Variants in KLF8 observed in about 807,000 individuals in gnomAD.
KLF8 encodes the protein KLF transcription factor 8.
A neutral mutation model predicts 18.2 loss-of-function variants in KLF8; 10 were observed. The observed-to-expected ratio is 0.55, with a 90% confidence interval of 0.34 to 0.93. The LOEUF (loss-of-function observed/expected upper bound fraction) is 0.93, where lower values mean the gene tolerates loss of function less well. Ranked by LOEUF, KLF8 falls within the 40% of genes least tolerant of loss-of-function variation. The pLI is 0.02. For synonymous variants in KLF8, 109 were observed against 97.3 expected (o/e 1.12, Z -0.71); for missense variants, 264 against 277.9 (o/e 0.95, Z 0.36).
the KLF8 span, among the ~76,000 whole-genome samples, chrX:56,126,057 C>G: frequency 9.0e-6 from 1 of 111,503 alleles, no homozygotes; most frequent in Non-Finnish European, 1.9e-5. Flanking sequence ...ACTTAATATG[C>G]TTGTAGGAAA....
At chrX:56,060,409 T>TA in the KLF8 span, among the ~76,000 whole-genome samples, 5 of 112,034 alleles carry the variant, frequency 4.5e-5, no homozygotes, top group Admixed American at 3.8e-4. Flanking sequence ...TGTTGAATTT[T>TA]ATTGAAGGCC....
chrX:56,131,354 A>T, the KLF8 span, among the ~76,000 whole-genome samples: 1 of 111,688 alleles, frequency 9.0e-6, no homozygotes, highest in Admixed American at 9.5e-5. Context: ...TAAACAAAAC[A>T]ATTATCACCC....
chrX:56,276,955 C>T (rs2067131031), intron 5 of KLF8, among the ~76,000 whole-genome samples: 1 of 111,742 alleles, frequency 8.9e-6, no homozygotes, highest in South Asian at 3.7e-4. Flanking sequence ...TTTGTCTCCT[C>T]TCTATGCATT....
At chrX:55,990,493 A>T in the KLF8 span, among the ~76,000 whole-genome samples, 10 of 112,050 alleles carry the variant, frequency 8.9e-5, no homozygotes, top group South Asian at 2.6e-3. Context: ...TGTTCAGTTT[A>T]CATGTAGTTG....
At chrX:56,061,681 G>A in the KLF8 span, among the ~76,000 whole-genome samples, 17 of 110,805 alleles carry the variant, frequency 1.5e-4, no homozygotes, top group East Asian at 2.8e-4. Context: ...CTATTAGGTC[G>A]GCTTGGTCCA....
chrX:56,271,674 T>C (rs2067059382), intron 5 of KLF8, among the ~76,000 whole-genome samples: 1 of 111,764 alleles, frequency 8.9e-6, no homozygotes. Context: ...TATTTAGTGA[T>C]GTATTTGTTT....
At chrX:56,156,246 G>A in the KLF8 span, among the ~76,000 whole-genome samples, 7 of 111,549 alleles carry the variant, frequency 6.3e-5, no homozygotes, top group African/African-American at 2.3e-4. Flanking sequence ...GTTTGTTTTC[G>A]CTTTTAAGTT....
the KLF8 span, among the ~76,000 whole-genome samples, chrX:56,183,432 C>T: frequency 0.045 from 5,022 of 111,663 alleles, 293 homozygotes; most frequent in African/African-American, 0.16. Flanking sequence ...TGAGGCGGTG[C>T]CCTGCCCTGC....
At chrX:56,163,779 G>T in the KLF8 span, among the ~76,000 whole-genome samples, 2 of 111,986 alleles carry the variant, frequency 1.8e-5, no homozygotes, top group African/African-American at 6.5e-5. Flanking sequence ...TTTTGTATAT[G>T]GTATAAATAA....
At chrX:56,166,770 C>T in the KLF8 span, among the ~76,000 whole-genome samples, 1 of 111,827 alleles carries the variant, frequency 8.9e-6, no homozygotes, top group South Asian at 3.7e-4. Flanking sequence ...CAGCTAATAA[C>T]AGCAGTAGGT....
chrX:56,060,327 T>C, the KLF8 span, among the ~76,000 whole-genome samples: 1 of 111,794 alleles, frequency 8.9e-6, no homozygotes, highest in Non-Finnish European at 1.9e-5. Context: ...AGGTTTGTTA[T>C]AAATAGTTCT....
the KLF8 span, among the ~76,000 whole-genome samples, chrX:56,164,729 C>CTTTTTTTTTTTTTTTTTTTAT: frequency 1.9e-5 from 1 of 51,920 alleles, no homozygotes; most frequent in Non-Finnish European, 3.3e-5. Context: ...CTTGTTATCT[C>CTTTTTTTTTTTTTTTTTTTAT]TTTTTTTTTT....
chrX:56,266,655 A>G (rs1210215553), intron 3 of KLF8: 1 of 751,338 alleles, frequency 1.3e-6, no homozygotes, highest in Admixed American at 8.9e-5. Context: ...TTTTCCTCCC[A>G]GAGGTATATC....
chrX:56,177,748 A>G, the KLF8 span, among the ~76,000 whole-genome samples: 1 of 111,245 alleles, frequency 9.0e-6, no homozygotes, highest in Non-Finnish European at 1.9e-5. Flanking sequence ...GGTGGGCTCC[A>G]CCCTGTTCTT....
the KLF8 span, among the ~76,000 whole-genome samples, chrX:55,957,954 T>C: frequency 1.8e-5 from 2 of 112,238 alleles, no homozygotes; most frequent in Non-Finnish European, 3.8e-5. Flanking sequence ...AATTAATGCA[T>C]AGAGAAATTA....
the KLF8 span, among the ~76,000 whole-genome samples, chrX:56,105,199 G>A: frequency 9.0e-6 from 1 of 111,676 alleles, no homozygotes; most frequent in Non-Finnish European, 1.9e-5. Flanking sequence ...TGTTGATTTG[G>A]GGTGGAGAGT....
chrX:56,177,936 T>C, the KLF8 span, among the ~76,000 whole-genome samples: 1 of 112,116 alleles, frequency 8.9e-6, no homozygotes, highest in Non-Finnish European at 1.9e-5. Context: ...TGCTGTTTAC[T>C]AAGACTGTTG....
At chrX:56,155,276 T>TA in the KLF8 span, among the ~76,000 whole-genome samples, 6 of 111,117 alleles carry the variant, frequency 5.4e-5, no homozygotes, top group African/African-American at 1.6e-4. Flanking sequence ...TATTCAGCCA[T>TA]AAAAAAGGAT....
chrX:56,066,121 C>T, the KLF8 span, among the ~76,000 whole-genome samples: 2 of 111,950 alleles, frequency 1.8e-5, no homozygotes, highest in East Asian at 5.6e-4. Flanking sequence ...CAGAACAACA[C>T]TCTGGCTCCC....
Sources: allele counts gnomAD v4.1 joint callset (sites outside exome capture counted in the v4.1 genomes callset), GRCh38; gene constraint gnomAD v4.1.1; transcripts MANE v1.5; gene names NCBI Gene and HGNC (gene_info 2026-07-23, HGNC 2026-07-21).